Variants in TFCP2L1 observed in about 807,000 individuals in gnomAD.
TFCP2L1 encodes the protein transcription factor CP2-like protein 1.
In TFCP2L1, 12 loss-of-function variants were observed where a neutral mutation model predicts 72.2. The ratio of observed to expected loss-of-function variants is 0.17; its 90% CI spans 0.11 to 0.27. The LOEUF (loss-of-function observed/expected upper bound fraction) is 0.27, where lower values mean the gene tolerates loss of function less well. Ranked by LOEUF, TFCP2L1 falls within the 10% of genes least tolerant of loss-of-function variation. TFCP2L1 has a pLI of 1.00. For missense variants in TFCP2L1, 488 were observed against 624.6 expected (o/e 0.78, Z 2.33); for synonymous variants, 260 against 251.0 (o/e 1.04, Z -0.34).
intron 10 of TFCP2L1, among the ~76,000 whole-genome samples, chr2:121,235,796 G>A (rs910896264): frequency 6.6e-6 from 1 of 151,582 alleles, no homozygotes; most frequent in Non-Finnish European, 1.5e-5. Flanking sequence ...GTGTGCATCT[G>A]TCTGTATGTG....
intron 2 of TFCP2L1, among the ~76,000 whole-genome samples, chr2:121,272,475 C>T (rs746382550): frequency 1.3e-5 from 2 of 152,134 alleles, no homozygotes; most frequent in Non-Finnish European, 2.9e-5. Context: ...TTATGTCCCT[C>T]GTGTGGTTGT....
rs1685852914 is a variant in TFCP2L1, at chr2:121,217,286, T to A, written c.*7055A>T. 1 of 152,460 alleles carries A rather than the reference T, an allele frequency of 6.6e-6. No individual in the cohort carries two copies. Among genetic ancestry groups the A allele is most frequent in the South Asian group, 2.1e-4 (1 of 4,832 alleles). The allele number at this position is 152,460 out of a possible 1,614,324, so 9.4% of individuals were successfully genotyped here. On this transcript the variant is annotated 3_prime_UTR_variant, in exon 15 of 15. Coordinates refer to ENST00000263707, the MANE Select transcript of TFCP2L1 (RefSeq NM_014553.3). ...AATGCGCAGAACACAAAGCCTAGCC[T>A]GTTAGCCCCAGCTGCTATCACTACT... is the stretch of plus-strand genomic sequence containing the variant.
At chr2:121,230,461 C>T (rs530681404) in intron 13 of TFCP2L1, among the ~76,000 whole-genome samples, 9 of 152,128 alleles carry the variant, frequency 5.9e-5, no homozygotes, top group Admixed American at 3.3e-4. Context: ...TGTGAGCCAC[C>T]GCACCCAGCC....
chr2:121,246,354 T>C lies in TFCP2L1; in HGVS notation c.657+464A>G, dbSNP rs1350221896. Reference sequence around the variant, plus strand: ...AAAATGTTTCTCTAACAGGAAGCCATTGCAAAGAGAAAAATGGCTTCAAGC... The same window carrying C: ...AAAATGTTTCTCTAACAGGAAGCCACTGCAAAGAGAAAAATGGCTTCAAGC... On this transcript the variant is annotated intron_variant, in intron 6 of 14. Transcript: ENST00000263707. Among the ~76,000 whole-genome samples the C allele has an allele frequency of 2.0e-5, 3 of 152,224 alleles. No homozygotes were observed. The East Asian group carries it at 5.8e-4, about 29-fold the overall frequency.
chr2:121,284,726 AGG>A (rs1687331064), intron 1 of TFCP2L1, among the ~76,000 whole-genome samples: 1 of 152,124 alleles, frequency 6.6e-6, no homozygotes, highest in Non-Finnish European at 1.5e-5. Flanking sequence ...GGAGGGCCGC[AGG>A]GGGCGGACGG....
intron 2 of TFCP2L1, 146 bp from the exon 3 acceptor site, chr2:121,249,793 G>A: frequency 1.3e-6 from 1 of 745,144 alleles, no homozygotes; most frequent in South Asian, 1.7e-5. Flanking sequence ...CCCACGACCA[G>A]CTCAGCTCAC....
intron 10 of TFCP2L1, 127 bp downstream of exon 10, chr2:121,237,496 C>T: frequency 1.8e-6 from 2 of 1,103,326 alleles, no homozygotes; most frequent in Non-Finnish European, 2.7e-6. Flanking sequence ...AGCGAACCCA[C>T]ACTATCTCGG....
intron 4 of TFCP2L1, 71 bp from the exon 5 acceptor site, chr2:121,248,341 G>T: frequency 7.8e-7 from 1 of 1,276,790 alleles, no homozygotes; most frequent in Non-Finnish European, 1.1e-6. Context: ...AAAGACCCCT[G>T]TTACAGGTCC....
chr2:121,258,551 G>A (rs564540705), intron 2 of TFCP2L1, among the ~76,000 whole-genome samples: 2 of 152,368 alleles, frequency 1.3e-5, no homozygotes, highest in South Asian at 4.1e-4. Context: ...GACCACTGAG[G>A]ACGCTGCATC....
chr2:121,283,559 G>A (rs1400971523), intron 1 of TFCP2L1, among the ~76,000 whole-genome samples: 4 of 152,052 alleles, frequency 2.6e-5, no homozygotes, highest in African/African-American at 7.2e-5. Context: ...ATCCTAAAAG[G>A]TACCTGAGCT....
Position 121,285,038 on chromosome 2 carries a change from C to T in TFCP2L1, c.62+10G>A. ...GCCCGAGACCCGCGGGGACCGCGCG[C>T]GGCCCTTACCGCAGGTAGCTGCCGG... On this transcript the variant is annotated intron_variant, in intron 1 of 14. Coordinates refer to ENST00000263707, the MANE Select transcript of TFCP2L1 (RefSeq NM_014553.3). The T allele has an allele frequency of 2.7e-6, 4 of 1,492,824 alleles. No individual in the cohort carries two copies. Among genetic ancestry groups the T allele is most frequent in the Non-Finnish European group, 3.6e-6 (4 of 1,120,924 alleles). 92.5% of individuals were successfully genotyped at this position (1,492,824 alleles called of 1,614,324 possible).
At chr2:121,267,694 C>T (rs1375757592) in intron 2 of TFCP2L1, among the ~76,000 whole-genome samples, 1 of 152,032 alleles carries the variant, frequency 6.6e-6, no homozygotes, top group Admixed American at 6.6e-5. Context: ...GGGGTTTCAC[C>T]GTGTTAGCCA....
intron 2 of TFCP2L1, among the ~76,000 whole-genome samples, chr2:121,273,870 A>G (rs964265035): frequency 5.3e-5 from 8 of 152,194 alleles, no homozygotes; most frequent in Non-Finnish European, 1.2e-4. Flanking sequence ...AGGCGGGTGG[A>G]TCACCTGAGG....
chr2:121,276,065 T>C (rs1558746850), intron 2 of TFCP2L1, among the ~76,000 whole-genome samples: 1 of 152,156 alleles, frequency 6.6e-6, no homozygotes, highest in African/African-American at 2.4e-5. Context: ...CAATTTAGGA[T>C]ATGGTTTGTT....
At chr2:121,230,609 T>C (rs1349767763) in intron 13 of TFCP2L1, among the ~76,000 whole-genome samples, 1 of 152,062 alleles carries the variant, frequency 6.6e-6, no homozygotes, top group South Asian at 2.1e-4. Flanking sequence ...GGCAAAACCC[T>C]GTCTCTACAA....
chr2:121,280,597 C>CA (rs1313127104), intron 2 of TFCP2L1, among the ~76,000 whole-genome samples: 2 of 151,818 alleles, frequency 1.3e-5, no homozygotes, highest in Admixed American at 1.3e-4. Context: ...CCCAGCTCTA[C>CA]AAAAAATTTA....
intron 1 of TFCP2L1, among the ~76,000 whole-genome samples, chr2:121,284,499 T>G (rs1687325993): frequency 6.6e-6 from 1 of 152,178 alleles, no homozygotes; most frequent in Non-Finnish European, 1.5e-5. Flanking sequence ...CACGCGGGCC[T>G]CGGGCGAACA....
rs1051877128 is a variant in TFCP2L1 at position 121,218,487 on chromosome 2, A to C, written c.*5854T>G. ...CTGAGGATGTTGTTCTCTTTGATGA[A>C]GGCCTGAAAACTTCCCCTGGCCCCT... On this transcript the variant is annotated 3_prime_UTR_variant, in exon 15 of 15. Coordinates refer to ENST00000263707, the MANE Select transcript of TFCP2L1 (RefSeq NM_014553.3). 1 of 152,454 alleles carries C rather than the reference A, an allele frequency of 6.6e-6. No individual in the cohort carries two copies. The highest frequency in any genetic ancestry group is 2.4e-5 in the African/African-American group (1 of 41,422). 9.4% of individuals were successfully genotyped at this position (152,454 alleles called of 1,614,324 possible).
intron 2 of TFCP2L1, among the ~76,000 whole-genome samples, chr2:121,279,260 A>G (rs909064399): frequency 6.6e-6 from 1 of 152,244 alleles, no homozygotes; most frequent in African/African-American, 2.4e-5. Context: ...CAAAGAGGAA[A>G]GAAAGTGCTC....
Sources: allele counts gnomAD v4.1 joint callset (sites outside exome capture counted in the v4.1 genomes callset), GRCh38; gene constraint gnomAD v4.1.1; transcripts MANE v1.5; gene names NCBI Gene and HGNC (gene_info 2026-07-23, HGNC 2026-07-21).